GARS1: variants seen among roughly 807,000 people sequenced by gnomAD.
GARS1 encodes the protein glycyl-tRNA synthetase 1, also known as glycine--tRNA ligase.
In GARS1, 46 loss-of-function variants were observed where a neutral mutation model predicts 86.4. The ratio of observed to expected loss-of-function variants is 0.53; its 90% CI spans 0.42 to 0.68. GARS1 has a LOEUF of 0.68. Ranked by LOEUF, GARS1 falls within the 30% of genes least tolerant of loss-of-function variation. The pLI is 0.00. For synonymous variants in GARS1, 342 were observed against 329.8 expected, an observed-to-expected ratio of 1.04 and a Z score of -0.40; for missense variants, 797 against 915.6, an observed-to-expected ratio of 0.87 and a Z score of 1.67.
At position 30,611,955 on chromosome 7, in the gene GARS1, T is replaced by C; in HGVS notation, c.882-141T>C. Reference sequence around the variant, plus strand: ...TGTTTGCTACCGAGGAAAATATTTCTAAAACTTCATTTTAGGGCCTGTTCA... The same window carrying C: ...TGTTTGCTACCGAGGAAAATATTTCCAAAACTTCATTTTAGGGCCTGTTCA... On this transcript the variant is annotated intron_variant, in intron 7 of 16. Transcript: ENST00000389266. 4 of 784,986 alleles carry C rather than the reference T, an allele frequency of 5.1e-6. No individual in the cohort carries two copies. In the South Asian group the frequency reaches 5.9e-5, roughly 12 times the overall value. 48.6% of individuals were successfully genotyped at this position (784,986 alleles called of 1,614,324 possible). A position where few individuals can be genotyped will look rare whatever the true frequency, so the allele number is the denominator to read the frequency against.
intron 14 of GARS1, among the ~76,000 whole-genome samples, chr7:30,630,404 GT>G (rs1211433072): frequency 6.6e-6 from 1 of 151,306 alleles, no homozygotes; most frequent in Non-Finnish European, 1.5e-5. Context: ...TTTATTCTGT[GT>G]TTTTGCCTTC....
chr7:30,622,060 C>G, intron 11 of GARS1: 1 of 495,282 alleles, frequency 2.0e-6, no homozygotes, highest in Non-Finnish European at 3.7e-6. Flanking sequence ...TGGGTTGGGT[C>G]ATTGCTGATT....
At chr7:30,622,058 G>A (rs1420744131) in intron 11 of GARS1, 2 of 492,310 alleles carry the variant, frequency 4.1e-6, no homozygotes. Flanking sequence ...TATGGGTTGG[G>A]TCATTGCTGA....
Position 30,632,211 on chromosome 7 carries a change from GTTTTATT to G in GARS1, c.1904-32_1904-26del, listed in dbSNP as rs1783248041. On this transcript the variant is annotated intron_variant, in intron 15 of 16. Coordinates refer to ENST00000389266, the MANE Select transcript of GARS1 (RefSeq NM_002047.4). This position sits in a 1 kb window ranked among gnomAD's most constrained non-coding sequence, Gnocchi z 4.1. ...AGATAACACTGGGCTTAACTCCATT[GTTTTATT>G]TTTAATTTACTTTGTTTATTTTGGA... 3 of 1,605,756 alleles carry G rather than the reference GTTTTATT, an allele frequency of 1.9e-6. No individual in the cohort carries two copies. In the South Asian group the frequency reaches 3.3e-5, roughly 18 times the overall value.
In GARS1 at chr7:30,625,644, A is replaced by G. The variant is rs191415363; in HGVS notation, c.1614-590A>G. Among the ~76,000 whole-genome samples the G allele has an allele frequency of 1.8e-3, 278 of 152,346 alleles. 1 individual carries two copies. Among genetic ancestry groups the G allele is most frequent in the African/African-American group, 5.6e-3 (234 of 41,588 alleles). On this transcript the variant is annotated intron_variant, in intron 12 of 16. Coordinates refer to ENST00000389266, the MANE Select transcript of GARS1 (RefSeq NM_002047.4). ...TTATAACCTGAAACTGAATGGGCATATCTCAGGACACAAATACATGGCAGC... is the reference window on the plus strand; with the variant it reads ...TTATAACCTGAAACTGAATGGGCATGTCTCAGGACACAAATACATGGCAGC...
At chr7:30,609,930 A>C (rs1791563385) in intron 7 of GARS1, among the ~76,000 whole-genome samples, 200 bp downstream of exon 7, 1 of 152,182 alleles carries the variant, frequency 6.6e-6, no homozygotes, top group Non-Finnish European at 1.5e-5. Flanking sequence ...TTTTTGGCAT[A>C]TATGTATTTT....
intron 4 of GARS1, among the ~76,000 whole-genome samples, chr7:30,601,619 G>T (rs1243433770): frequency 2.0e-5 from 3 of 152,182 alleles, no homozygotes; most frequent in Non-Finnish European, 4.4e-5. Context: ...CGAATATCTT[G>T]ATAGATGGAT....
At position 30,626,337 on chromosome 7, in the gene GARS1, A is replaced by G. The variant is rs1422528977; in HGVS notation, c.1699+18A>G. 7.0e-7 allele frequency: 1 copy of G among 1,432,208 alleles called. No homozygotes were observed. Among genetic ancestry groups the G allele is most frequent in the African/African-American group, 1.4e-5 (1 of 71,228 alleles). 88.7% of individuals were successfully genotyped at this position (1,432,208 alleles called of 1,614,324 possible). Reference sequence around the variant, plus strand: ...ACTATATGGTAAATTTGTAAAAATAATAAACAAAAAGTCACTGCTCCTTAA... The same window carrying G: ...ACTATATGGTAAATTTGTAAAAATAGTAAACAAAAAGTCACTGCTCCTTAA... On this transcript the variant is annotated intron_variant, in intron 13 of 16. Coordinates refer to ENST00000389266, the MANE Select transcript of GARS1 (RefSeq NM_002047.4).
At chr7:30,606,305 CTTT>C (rs35302357) in intron 6 of GARS1, among the ~76,000 whole-genome samples, 2 of 127,548 alleles carry the variant, frequency 1.6e-5, no homozygotes, top group African/African-American at 3.0e-5. Flanking sequence ...CATTGTTATT[CTTT>C]TTTTTTTTTT....
At chr7:30,617,401 C>A in intron 10 of GARS1, 123 bp downstream of exon 10, 2 of 1,211,182 alleles carry the variant, frequency 1.7e-6, no homozygotes, top group South Asian at 1.3e-5. Flanking sequence ...AGATCTTTTC[C>A]TGAGCAAAAC....
At chr7:30,622,012 G>C (rs769491190) in intron 11 of GARS1, 28 of 414,702 alleles carry the variant, frequency 6.8e-5, no homozygotes, top group Non-Finnish European at 1.2e-4. Context: ...ATCTTGTTTT[G>C]AGCATTTTAG....
intron 6 of GARS1, among the ~76,000 whole-genome samples, chr7:30,607,180 A>G (rs1429841780): frequency 6.6e-6 from 1 of 152,232 alleles, no homozygotes; most frequent in Non-Finnish European, 1.5e-5. Flanking sequence ...TGGTTATGCC[A>G]TCAGCTAGAT....
intron 12 of GARS1, 103 bp downstream of exon 12, chr7:30,622,565 G>T: frequency 7.3e-7 from 1 of 1,360,986 alleles, no homozygotes; most frequent in African/African-American, 1.4e-5. Context: ...TTGCAGGTAA[G>T]TACTGTATCT....
At chr7:30,617,008 A>G in intron 9 of GARS1, 106 bp from the exon 10 acceptor site, 2 of 1,121,136 alleles carry the variant, frequency 1.8e-6, no homozygotes, top group Non-Finnish European at 2.7e-6. Context: ...TTGGGTGTCA[A>G]ATATTTTTCA....
chr7:30,629,862 T>C (rs577108181), intron 14 of GARS1, among the ~76,000 whole-genome samples: 1 of 152,360 alleles, frequency 6.6e-6, no homozygotes, highest in South Asian at 2.1e-4. Context: ...TCTTTTTAGA[T>C]GTCAAGTCTG....
intron 10 of GARS1, 42 bp from the exon 11 acceptor site, chr7:30,621,351 A>T (rs1484659472): frequency 6.6e-7 from 1 of 1,505,628 alleles, no homozygotes; most frequent in Non-Finnish European, 9.2e-7. Context: ...CAATATAAGT[A>T]ATAATAAGTA....
intron 10 of GARS1, 151 bp downstream of exon 10, chr7:30,617,429 C>T (rs1202029048): frequency 3.3e-6 from 3 of 914,386 alleles, no homozygotes; most frequent in East Asian, 2.6e-5. Flanking sequence ...GCAGTTGCCT[C>T]CTGCCTTTTT....
At chr7:30,624,171 A>T (rs1783078444) in intron 12 of GARS1, among the ~76,000 whole-genome samples, 1 of 152,014 alleles carries the variant, frequency 6.6e-6, no homozygotes, top group South Asian at 2.1e-4. Context: ...GCAGTCCGAG[A>T]CAGTTCTTTC....
intron 12 of GARS1, among the ~76,000 whole-genome samples, chr7:30,625,925 C>T (rs1783119375): frequency 6.6e-6 from 1 of 152,154 alleles, no homozygotes; most frequent in Non-Finnish European, 1.5e-5. Flanking sequence ...ACTGAATTTT[C>T]AAAAAGTTGT....
Sources: gnomAD v4.1 joint callset for allele counts (sites outside exome capture counted in the v4.1 genomes callset) on GRCh38, gnomAD v4.1.1 for gene constraint, Gnocchi (gnomAD v3.1) non-coding constraint, MANE v1.5 for transcripts, NCBI Gene and HGNC (gene_info 2026-07-23, HGNC 2026-07-21) for gene names.